CORO1C: variants seen among roughly 807,000 people sequenced by gnomAD.
CORO1C encodes coronin-1C.
Under a neutral mutation model 51.2 loss-of-function variants are expected in CORO1C, and 14 were observed. The ratio of observed to expected loss-of-function variants is 0.27; its 90% CI spans 0.18 to 0.43. The LOEUF (loss-of-function observed/expected upper bound fraction) is 0.43, where lower values mean the gene tolerates loss of function less well. CORO1C is among the 20% of genes least tolerant of loss of function. The pLI is 1.00. For synonymous variants in CORO1C, 181 were observed against 210.5 expected, an observed-to-expected ratio of 0.86 and a Z score of 1.21; for missense variants, 417 against 607.8, an observed-to-expected ratio of 0.69 and a Z score of 3.30.
rs1048597928 is a variant in CORO1C at position 108,652,425 on chromosome 12, A to T, written c.856-8T>A. 20 of 1,611,728 alleles carry T rather than the reference A, an allele frequency of 1.2e-5. No homozygotes were observed. The highest frequency in any genetic ancestry group is 1.6e-5 in the Non-Finnish European group (19 of 1,178,134). On this transcript the variant is annotated splice_region_variant and splice_polypyrimidine_tract_variant and intron_variant, in intron 7 of 10. Transcript: ENST00000261401. ...GCGAATACTGCTGTCACCCTGTAAG[A>T]AACCAGAGACAAGTCTGTGTCTGAT...
intron 3 of CORO1C, among the ~76,000 whole-genome samples, chr12:108,662,438 T>C (rs951077871): frequency 6.6e-6 from 1 of 152,162 alleles, no homozygotes. Context: ...ATCTCCCAGG[T>C]TGAAGCAATT....
chr12:108,717,726 G>C (rs2035373778), intron 1 of CORO1C, among the ~76,000 whole-genome samples: 1 of 152,176 alleles, frequency 6.6e-6, no homozygotes. Flanking sequence ...CCTCTTAGTA[G>C]TAGCTTCAAA....
intron 2 of CORO1C, among the ~76,000 whole-genome samples, chr12:108,682,331 T>A (rs1273969918): frequency 1.3e-5 from 2 of 151,932 alleles, no homozygotes; most frequent in Admixed American, 6.6e-5. Context: ...ACACATATTT[T>A]AAAAAAATAA....
chr12:108,721,376 C>T (rs976904338), intron 1 of CORO1C, among the ~76,000 whole-genome samples: 6 of 152,192 alleles, frequency 3.9e-5, no homozygotes, highest in Non-Finnish European at 7.3e-5. Context: ...GATCTCACTC[C>T]CAGTGTCCCA....
rs1282096019 is a variant in CORO1C, at chr12:108,645,621, T to C, written c.*1782A>G. 6.6e-6 allele frequency: 1 copy of C among 152,222 alleles called. No homozygotes were observed. The allele number at this position is 152,222 out of a possible 1,614,324, so 9.4% of individuals were successfully genotyped here. On this transcript the variant is annotated 3_prime_UTR_variant, in exon 11 of 11. Transcript: ENST00000261401. ...CACAAAACCACATCAAACATTCAGA[T>C]GCCCTGAAATTGTGGAGACAGCACT...
chr12:108,698,096 A>C (rs998187150), intron 2 of CORO1C, among the ~76,000 whole-genome samples: 1 of 152,226 alleles, frequency 6.6e-6, no homozygotes, highest in Non-Finnish European at 1.5e-5. Context: ...CTGACACTCC[A>C]GGGCTCACGG....
At chr12:108,664,833 A>C (rs2046555582) in intron 3 of CORO1C, among the ~76,000 whole-genome samples, 1 of 152,272 alleles carries the variant, frequency 6.6e-6, no homozygotes, top group African/African-American at 2.4e-5. Context: ...CATTTTGAAC[A>C]GAACAAACAG....
intron 2 of CORO1C, among the ~76,000 whole-genome samples, chr12:108,695,207 T>A (rs909809699): frequency 2.6e-4 from 39 of 152,346 alleles, no homozygotes; most frequent in African/African-American, 8.9e-4. Flanking sequence ...GCCACAGAGC[T>A]GCTGGAGTAT....
At chr12:108,649,715 C>G (rs921461703) in intron 8 of CORO1C, 2 of 152,250 alleles carry the variant, frequency 1.3e-5, no homozygotes, top group African/African-American at 4.8e-5. Flanking sequence ...CTTATGATGA[C>G]CCTGATAAGG....
chr12:108,715,632 T>TCCCTCCCC (rs2035309149), intron 1 of CORO1C, among the ~76,000 whole-genome samples: 4 of 48,976 alleles, frequency 8.2e-5, no homozygotes, highest in African/African-American at 1.8e-4. Flanking sequence ...ACCCGCCTCC[T>TCCCTCCCC]CCCTCCCCCC....
chr12:108,649,046 T>G, intron 8 of CORO1C, 26 bp from the exon 9 acceptor site: 1 of 1,612,214 alleles, frequency 6.2e-7, no homozygotes, highest in Non-Finnish European at 8.5e-7. Flanking sequence ...AAAGGCAAAG[T>G]TGCATTAAGT....
At chr12:108,693,463 C>T (rs1187645119) in intron 2 of CORO1C, among the ~76,000 whole-genome samples, 1 of 152,156 alleles carries the variant, frequency 6.6e-6, no homozygotes, top group Non-Finnish European at 1.5e-5. Context: ...AACAATGATT[C>T]TAAAATATAA....
chr12:108,687,367 G>A (rs2034330674), intron 2 of CORO1C, among the ~76,000 whole-genome samples: 1 of 152,124 alleles, frequency 6.6e-6, no homozygotes, highest in African/African-American at 2.4e-5. Context: ...CGCACCTGTA[G>A]TCCCAGCTAC....
intron 1 of CORO1C, among the ~76,000 whole-genome samples, chr12:108,713,083 G>GA (rs200644659): frequency 0.014 from 2,127 of 150,370 alleles, 19 homozygotes; most frequent in Non-Finnish European, 0.023. Context: ...GACATTCCAA[G>GA]AAAAAAAAAC....
intron 3 of CORO1C, among the ~76,000 whole-genome samples, chr12:108,669,694 G>A (rs541246505): frequency 6.8e-5 from 10 of 147,484 alleles, no homozygotes; most frequent in African/African-American, 2.2e-4. Flanking sequence ...AAAAAAAGGC[G>A]GGGGGTGGCG....
chr12:108,687,900 A>ATTAACAATG (rs2034355905), intron 2 of CORO1C, among the ~76,000 whole-genome samples: 1 of 151,546 alleles, frequency 6.6e-6, no homozygotes, highest in Non-Finnish European at 1.5e-5. Flanking sequence ...GCTTCCACTT[A>ATTAACAATG]TTAACAATGT....
At chr12:108,707,742 G>A (rs947190851) in intron 1 of CORO1C, among the ~76,000 whole-genome samples, 2 of 152,142 alleles carry the variant, frequency 1.3e-5, no homozygotes, top group Admixed American at 6.5e-5. Context: ...TATCTGATAA[G>A]ACACTTGTAT....
intron 4 of CORO1C, 93 bp downstream of exon 4, chr12:108,661,936 A>G: frequency 7.0e-7 from 1 of 1,434,160 alleles, no homozygotes; most frequent in Non-Finnish European, 9.7e-7. Flanking sequence ...CTTTAAAACC[A>G]TATAGCACAC....
chr12:108,720,657 G>A (rs1451323339), intron 1 of CORO1C, among the ~76,000 whole-genome samples: 1 of 151,986 alleles, frequency 6.6e-6, no homozygotes, highest in African/African-American at 2.4e-5. Context: ...CTGAGTAGCT[G>A]GGACTACAGG....
Sources: allele counts gnomAD v4.1 joint callset (sites outside exome capture counted in the v4.1 genomes callset), GRCh38; gene constraint gnomAD v4.1.1; transcripts MANE v1.5; gene names NCBI Gene and HGNC (gene_info 2026-07-23, HGNC 2026-07-21).